EYS: variants seen among roughly 807,000 people sequenced by gnomAD.
EYS encodes protein eyes shut homolog.
EYS carries 250 observed loss-of-function variants against 282.1 expected under a neutral mutation model. The observed-to-expected ratio is 0.89, with a 90% confidence interval of 0.80 to 0.98. The LOEUF is 0.98. Ranked by LOEUF, EYS falls within the 50% of genes least tolerant of loss-of-function variation. The pLI, the probability that EYS is intolerant of heterozygous loss-of-function variation, is 0.00. For missense variants in EYS, 4,016 were observed against 3,709.0 expected (o/e 1.08, Z -2.15); for synonymous variants, 1,355 against 1,282.9 (o/e 1.06, Z -1.20).
chr6:65,077,727 T>C (rs997231467), intron 12 of EYS, among the ~76,000 whole-genome samples: 5 of 152,196 alleles, frequency 3.3e-5, no homozygotes, highest in South Asian at 2.1e-4. Context: ...GAATTTCTTA[T>C]AAACACATTT....
intron 13 of EYS, among the ~76,000 whole-genome samples, chr6:65,028,635 T>C (rs1189779700): frequency 6.6e-6 from 1 of 152,074 alleles, no homozygotes; most frequent in Non-Finnish European, 1.5e-5. Flanking sequence ...TTATATAACT[T>C]TGAAAGAAGT....
chr6:64,406,092 G>A (rs899265784), intron 28 of EYS, among the ~76,000 whole-genome samples: 3 of 152,066 alleles, frequency 2.0e-5, no homozygotes, highest in Non-Finnish European at 4.4e-5. Flanking sequence ...AAACAGCATG[G>A]TACTGGTAGC....
At chr6:65,048,977 T>G (rs1583433959) in intron 13 of EYS, among the ~76,000 whole-genome samples, 1 of 151,962 alleles carries the variant, frequency 6.6e-6, no homozygotes, top group Admixed American at 6.6e-5. Context: ...ATAAGTAGAT[T>G]TTAGGTGCCT....
rs1331297806 is a variant in EYS at position 65,014,349 on chromosome 6, T to C, written c.2138-16646A>G. On this transcript the variant is annotated intron_variant, in intron 13 of 42. Coordinates refer to ENST00000503581, the MANE Select transcript of EYS (RefSeq NM_001142800.2). Reference sequence around the variant, plus strand: ...TCACAGATTTTTGACTTGCAGAAATTGTAAAATAAAAAATGTGACTTGTAT... The same window carrying C: ...TCACAGATTTTTGACTTGCAGAAATCGTAAAATAAAAAATGTGACTTGTAT... Among the ~76,000 whole-genome samples, 3 of 152,046 alleles carry C rather than the reference T, an allele frequency of 2.0e-5. 1 individual carries two copies. The highest frequency in any genetic ancestry group is 2.0e-4 in the Admixed American group (3 of 15,254).
At chr6:63,988,253 T>C (rs1767456408) in intron 34 of EYS, among the ~76,000 whole-genome samples, 1 of 151,668 alleles carries the variant, frequency 6.6e-6, no homozygotes, top group African/African-American at 2.4e-5. Flanking sequence ...ATCTCTGACA[T>C]CTTTGTATAT....
intron 42 of EYS, among the ~76,000 whole-genome samples, chr6:63,726,269 G>T (rs2149631429): frequency 6.6e-6 from 1 of 152,094 alleles, no homozygotes; most frequent in East Asian, 1.9e-4. Context: ...TGTCTTTTTT[G>T]ATGGTATTGT....
At chr6:64,294,617 G>A (rs552855112) in intron 30 of EYS, among the ~76,000 whole-genome samples, 1 of 152,286 alleles carries the variant, frequency 6.6e-6, no homozygotes, top group South Asian at 2.1e-4. Flanking sequence ...TTAGTGGAGA[G>A]CTTCAATTCT....
chr6:64,325,449 C>A (rs537684912), intron 29 of EYS, among the ~76,000 whole-genome samples: 1 of 152,248 alleles, frequency 6.6e-6, no homozygotes, highest in East Asian at 1.9e-4. Context: ...TCTGACAGAG[C>A]CTACCCAAAT....
chr6:65,546,089 G>A (rs942807334), intron 2 of EYS, among the ~76,000 whole-genome samples: 4 of 149,210 alleles, frequency 2.7e-5, no homozygotes, highest in Non-Finnish European at 4.4e-5. Context: ...GCGTGATCAT[G>A]ACTCACTGCA....
intron 26 of EYS, among the ~76,000 whole-genome samples, chr6:64,462,338 C>A (rs754297045): frequency 6.6e-6 from 1 of 152,104 alleles, no homozygotes; most frequent in Non-Finnish European, 1.5e-5. Context: ...ATATCTTGTA[C>A]AAATTTGAAG....
intron 14 of EYS, among the ~76,000 whole-genome samples, chr6:64,960,052 T>C (rs1321435480): frequency 2.0e-5 from 3 of 152,104 alleles, no homozygotes; most frequent in African/African-American, 7.2e-5. Flanking sequence ...GATATTAGTC[T>C]TAATGCCTTT....
intron 5 of EYS, among the ~76,000 whole-genome samples, chr6:65,435,111 A>C (rs2150387426): frequency 6.6e-6 from 1 of 151,968 alleles, no homozygotes; most frequent in South Asian, 2.1e-4. Flanking sequence ...TTAAGAAAAA[A>C]AATTGAAAGA....
At chr6:64,634,604 T>C (rs980867449) in intron 22 of EYS, among the ~76,000 whole-genome samples, 2 of 150,238 alleles carry the variant, frequency 1.3e-5, no homozygotes, top group Non-Finnish European at 2.9e-5. Context: ...AAGTGTGGTA[T>C]AGTCAATATA....
chr6:64,628,808 AT>A (rs1360881058), intron 22 of EYS, among the ~76,000 whole-genome samples: 2 of 152,354 alleles, frequency 1.3e-5, no homozygotes, highest in East Asian at 3.9e-4. Context: ...AGTTTAAAAA[AT>A]TTTTAATATA....
Position 64,614,427 on chromosome 6 carries a change from T to C in EYS, c.3684+2991A>G, listed in dbSNP as rs143623369. Among the ~76,000 whole-genome samples, 63 of 152,178 alleles carry C rather than the reference T, an allele frequency of 4.1e-4. 1 individual carries two copies. The East Asian group carries it at 0.01, about 25-fold the overall frequency. On this transcript the variant is annotated intron_variant, in intron 24 of 42. Coordinates refer to ENST00000503581, the MANE Select transcript of EYS (RefSeq NM_001142800.2). Reference sequence around the variant, plus strand: ...AAAAATAGAAGAGACAGAGTAAGCATTGAAGTCAGACTCAGGTATGACAGG... The same window carrying C: ...AAAAATAGAAGAGACAGAGTAAGCACTGAAGTCAGACTCAGGTATGACAGG...
chr6:63,908,005 C>T (rs1303958069), intron 35 of EYS, among the ~76,000 whole-genome samples: 4 of 55,532 alleles, frequency 7.2e-5, no homozygotes, highest in African/African-American at 3.0e-4. Context: ...CACACACACA[C>T]ACAAACGTAT....
Position 64,599,999 on chromosome 6 carries a change from C to T in EYS, c.3685-6690G>A, listed in dbSNP as rs142431171. ...CTATTATCTCAATGACTTTACAATC[C>T]AGTGGACTGTTAGTATATTTCACTC... On this transcript the variant is annotated intron_variant, in intron 24 of 42. Transcript: ENST00000503581. Among the ~76,000 whole-genome samples the T allele has an allele frequency of 5.9e-5, 9 of 152,182 alleles. No individual in the cohort carries two copies. The East Asian group carries it at 1.7e-3, about 29-fold the overall frequency.
At chr6:64,960,589 T>G (rs1343397908) in intron 14 of EYS, among the ~76,000 whole-genome samples, 1 of 152,220 alleles carries the variant, frequency 6.6e-6, no homozygotes, top group African/African-American at 2.4e-5. Flanking sequence ...TCCCAAAATC[T>G]TTGATGTCAC....
At chr6:65,209,619 G>A (rs994916954) in intron 12 of EYS, among the ~76,000 whole-genome samples, 1 of 151,872 alleles carries the variant, frequency 6.6e-6, no homozygotes, top group Non-Finnish European at 1.5e-5. Context: ...GAGTTTCTAA[G>A]ATGATGGAAC....
Sources: allele counts gnomAD v4.1 joint callset (sites outside exome capture counted in the v4.1 genomes callset), GRCh38; gene constraint gnomAD v4.1.1; transcripts MANE v1.5; gene names NCBI Gene and HGNC (gene_info 2026-07-23, HGNC 2026-07-21).